The following PDCD1 variants were observed in gnomAD, a reference collection of about 807,000 sequenced individuals.
The protein encoded by PDCD1 is programmed cell death protein 1.
PDCD1 carries 10 observed loss-of-function variants against 23.6 expected under a neutral mutation model. The observed-to-expected ratio is 0.42, with a 90% CI of 0.26 to 0.72. The LOEUF is 0.72. Ranked by LOEUF, PDCD1 falls within the 30% of genes least tolerant of loss-of-function variation. The pLI is 0.24. For missense variants in PDCD1, 313 were observed against 397.8 expected, an observed-to-expected ratio of 0.79 and a Z score of 1.81; for synonymous variants, 168 against 169.3, an observed-to-expected ratio of 0.99 and a Z score of 0.06.
chr2:241,852,817 G>T lies in PDCD1; in HGVS notation c.240C>A (p.Ala80=), dbSNP rs373755187. Residue 80 remains alanine (A), a synonymous_variant, in exon 2 of 5, where the codon GCC becomes GCA. Transcript: ENST00000334409. ...GCTGGCTGCGGTCCTCGGGGAAGGC[G>T]GCCAGCTTGTCCGTCTGGTTGCTGG... The part of the protein sequence containing the change: ...MSPSNQTDKL[A]AFPEDRSQPG... The T allele has an allele frequency of 3.7e-6, 6 of 1,612,834 alleles. No homozygotes were observed. The African/African-American group carries it at 6.7e-5, about 18-fold the overall frequency.
Position 241,856,216 on chromosome 2 carries a change from G to A in PDCD1, c.76+2547C>T, listed in dbSNP as rs552518929. Among the ~76,000 whole-genome samples the A allele has an allele frequency of 2.0e-5, 3 of 152,022 alleles. No individual in the cohort carries two copies. The East Asian group carries it at 5.8e-4, about 29-fold the overall frequency. On this transcript the variant is annotated intron_variant, in intron 1 of 4. Coordinates refer to ENST00000334409, the MANE Select transcript of PDCD1 (RefSeq NM_005018.3). ...GCATGTCCAGCCCCCCACGGCGGGA[G>A]GACAGGCTCTGTTTTTAAGCCACAG...
At chr2:241,858,671 C>T (rs577372403) in intron 1 of PDCD1, 92 bp downstream of exon 1, 59 of 1,130,786 alleles carry the variant, frequency 5.2e-5, no homozygotes, top group African/African-American at 1.4e-4. Context: ...GGGCCAGGCC[C>T]GCCTCAGCAC....
In PDCD1 at chr2:241,852,739, G is replaced by A. The variant is rs766885923; in HGVS notation, c.318C>T (p.Phe106=). The part of the protein sequence containing the change: ...RVTQLPNGRD[F]HMSVVRARRN... ...GCCGGGCCCTGACCACGCTCATGTGGAAGTCACGCCCGTTGGGCAGTTGTG... is the reference window on the plus strand; with the variant it reads ...GCCGGGCCCTGACCACGCTCATGTGAAAGTCACGCCCGTTGGGCAGTTGTG... The change falls in exon 2 of 5, where the codon TTC becomes TTT. Residue 106 remains phenylalanine, a synonymous_variant. Coordinates refer to ENST00000334409, the MANE Select transcript of PDCD1 (RefSeq NM_005018.3). 2 of 1,613,974 alleles carry A rather than the reference G, an allele frequency of 1.2e-6. No individual in the cohort carries two copies. The highest frequency in any genetic ancestry group is 1.7e-6 in the Non-Finnish European group (2 of 1,179,998).
At chr2:241,851,354 C>T (rs1460413170) in intron 4 of PDCD1, 57 bp from the exon 5 acceptor site, 12 of 1,540,720 alleles carry the variant, frequency 7.8e-6, no homozygotes, top group Admixed American at 5.8e-5. Flanking sequence ...GAAGGAGGCC[C>T]GCGGCTCCAC....
At position 241,852,747 on chromosome 2, in the gene PDCD1, G is replaced by A. The variant is rs1700931104; in HGVS notation, c.310C>T (p.Arg104Cys). The A allele has an allele frequency of 6.8e-6, 11 of 1,613,994 alleles. No homozygotes were observed. The highest frequency in any genetic ancestry group is 7.6e-6 in the Non-Finnish European group (9 of 1,180,008). ...CTGACCACGCTCATGTGGAAGTCAC[G>A]CCCGTTGGGCAGTTGTGTGACACGG... ...RFRVTQLPNGRDFHMSVVRAR... is the reference protein window; with the variant it reads ...RFRVTQLPNGCDFHMSVVRAR... The change falls in exon 2 of 5, where the codon CGT (arginine) becomes TGT (cysteine). Residue 104 changes from arginine to cysteine, a missense_variant. By Grantham distance (180) the Arg-to-Cys change is radical. Coordinates refer to ENST00000334409, the MANE Select transcript of PDCD1 (RefSeq NM_005018.3).
intron 1 of PDCD1, 115 bp downstream of exon 1, chr2:241,858,648 C>T (rs2124871865): frequency 1.2e-6 from 1 of 866,934 alleles, no homozygotes. Context: ...GCTCCGGGAC[C>T]CCTGGGCTGC....
At chr2:241,852,595 C>G in intron 2 of PDCD1, 26 bp downstream of exon 2, 1 of 1,602,694 alleles carries the variant, frequency 6.2e-7, no homozygotes, top group African/African-American at 1.3e-5. Flanking sequence ...CAGCTCACCC[C>G]TGCCCCGGGG....
At chr2:241,851,323 C>G (rs1559447305) in intron 4 of PDCD1, 26 bp from the exon 5 acceptor site, 2 of 1,582,618 alleles carry the variant, frequency 1.3e-6, no homozygotes, top group Admixed American at 1.7e-5. Flanking sequence ...GAGAGGGAGT[C>G]AGCCCCACGG....
At chr2:241,856,154 G>A (rs903666801) in intron 1 of PDCD1, among the ~76,000 whole-genome samples, 5 of 152,076 alleles carry the variant, frequency 3.3e-5, no homozygotes, top group African/African-American at 4.8e-5. Context: ...GAGCCCTCTC[G>A]GAGCACAGGG....
At position 241,852,317 on chromosome 2, in the gene PDCD1, G is replaced by C. The variant is rs1378543660; in HGVS notation, c.473C>G (p.Pro158Arg). The change falls in exon 3 of 5, where the codon CCC (proline) becomes CGC (arginine). Residue 158 changes from proline (P) to arginine (R), a missense_variant. Pro to Arg is a moderately radical substitution (Grantham distance 103). Transcript: ENST00000334409. Reference protein sequence around the residue: ...RAEVPTAHPSPSPRPAGQFQT... With the variant: ...RAEVPTAHPSRSPRPAGQFQT... ...GAACTGGCCGGCTGGCCTGGGTGAG[G>C]GGCTGGGGTGGGCTGTGGGCACTTC... The C allele has an allele frequency of 3.1e-6, 5 of 1,608,082 alleles. No individual in the cohort carries two copies. The highest frequency in any genetic ancestry group is 4.2e-6 in the Non-Finnish European group (5 of 1,176,878).
intron 3 of PDCD1, 29 bp downstream of exon 3, chr2:241,852,169 G>A: frequency 1.9e-6 from 3 of 1,599,818 alleles, no homozygotes; most frequent in Non-Finnish European, 2.6e-6. Context: ...GTTAGGGCAG[G>A]GCAGGCCGAG....
Position 241,850,872 on chromosome 2 carries a change from G to T in PDCD1, c.*186C>A. On this transcript the variant is annotated 3_prime_UTR_variant, in exon 5 of 5. Coordinates refer to ENST00000334409, the MANE Select transcript of PDCD1 (RefSeq NM_005018.3). ...GCTGCCTGGGCTCACTGTGGGCATT[G>T]AGACATGAGTCCTGTGGTGGGGCTG... 1 of 705,500 alleles carries T rather than the reference G, an allele frequency of 1.4e-6. No individual in the cohort carries two copies. Among genetic ancestry groups the T allele is most frequent in the Non-Finnish European group, 2.3e-6 (1 of 426,694 alleles). 43.7% of individuals were successfully genotyped at this position (705,500 alleles called of 1,614,324 possible). A position where few individuals can be genotyped will look rare whatever the true frequency, so the allele number is the denominator to read the frequency against.
intron 1 of PDCD1, among the ~76,000 whole-genome samples, chr2:241,854,879 G>A (rs1259425456): frequency 6.6e-6 from 1 of 152,216 alleles, no homozygotes; most frequent in African/African-American, 2.4e-5. Context: ...CAGCTGTAGG[G>A]CGAGGTGCTG....
chr2:241,855,123 C>A (rs965047651), intron 1 of PDCD1, among the ~76,000 whole-genome samples: 2 of 152,278 alleles, frequency 1.3e-5, no homozygotes, highest in African/African-American at 4.8e-5. Flanking sequence ...TTCCGCCCCC[C>A]CCAACCCCCC....
intron 2 of PDCD1, 128 bp downstream of exon 2, chr2:241,852,492 AC>A (rs2124859642): frequency 8.0e-7 from 1 of 1,249,734 alleles, no homozygotes; most frequent in South Asian, 1.5e-5. Context: ...CAGGTGCAGG[AC>A]AGAGCCCTGG....
Position 241,851,220 on chromosome 2 carries a change from C to T in PDCD1, c.705G>A (p.Pro235=), listed in dbSNP as rs370462869. 5.6e-5 allele frequency: 91 copies of T among 1,613,782 alleles called. No individual in the cohort carries two copies. The South Asian group carries it at 6.8e-4, about 12-fold the overall frequency. The change falls in exon 5 of 5, where the codon CCG becomes CCA. Residue 235 remains proline, a synonymous_variant. Coordinates refer to ENST00000334409, the MANE Select transcript of PDCD1 (RefSeq NM_005018.3). ...CAGGGACACAGGGCACGGGGGGCTC[C>T]GGGGTCTTCTCTCGCCACTGGAAAT... is the stretch of plus-strand genomic sequence containing the variant. The part of the protein sequence containing the change: ...ELDFQWREKT[P]EPPVPCVPEQ...
Position 241,850,817 on chromosome 2 carries a change from T to A in PDCD1, c.*241A>T. 1.6e-6 allele frequency: 1 copy of A among 623,988 alleles called. No homozygotes were observed. 38.7% of individuals were successfully genotyped at this position (623,988 alleles called of 1,614,324 possible). A position where few individuals can be genotyped will look rare whatever the true frequency, so the allele number is the denominator to read the frequency against. On this transcript the variant is annotated 3_prime_UTR_variant, in exon 5 of 5. Coordinates refer to ENST00000334409, the MANE Select transcript of PDCD1 (RefSeq NM_005018.3). ...CAGGACCTGAAGCAGTGACTGCATCTGGCCCTCCCTGTAGGGGACGGTGAC... is the reference window on the plus strand; with the variant it reads ...CAGGACCTGAAGCAGTGACTGCATCAGGCCCTCCCTGTAGGGGACGGTGAC...
chr2:241,851,332 G>T, intron 4 of PDCD1, 35 bp from the exon 5 acceptor site: 1 of 1,569,154 alleles, frequency 6.4e-7, no homozygotes, highest in South Asian at 1.2e-5. Context: ...TCAGCCCCAC[G>T]GCCCACCGCA....
chr2:241,858,833 C>T lies in PDCD1; in HGVS notation c.6G>A (p.Gln2=). 1 of 1,573,974 alleles carries T rather than the reference C, an allele frequency of 6.4e-7. No individual in the cohort carries two copies. The highest frequency in any genetic ancestry group is 1.2e-5 in the South Asian group (1 of 85,484). Residue 2 remains glutamine, a synonymous_variant, in exon 1 of 5, where the codon CAG becomes CAA. Coordinates refer to ENST00000334409, the MANE Select transcript of PDCD1 (RefSeq NM_005018.3). M[Q]IPQAPWPVVW... is the part of the protein sequence containing the mutation. ...CGACTGGCCAGGGCGCCTGTGGGAT[C>T]TGCATGCCTGGAGCAGCCCCACCAG...
Sources: gnomAD v4.1 joint callset for allele counts (sites outside exome capture counted in the v4.1 genomes callset) on GRCh38, gnomAD v4.1.1 for gene constraint, MANE v1.5 for transcripts, NCBI Gene and HGNC (gene_info 2026-07-23, HGNC 2026-07-21) for gene names.